The following RASSF3 variants were observed in gnomAD, a reference collection of about 807,000 sequenced individuals.
RASSF3 encodes the protein Ras association domain family member 3.
In RASSF3, 19 loss-of-function variants were observed where a neutral mutation model predicts 19.9. The observed-to-expected ratio is 0.96, with a 90% confidence interval of 0.67 to 1.40. The LOEUF is 1.40. Ranked by LOEUF, RASSF3 falls within the 40% of genes most tolerant of loss-of-function variation. The pLI is 0.00. For synonymous variants in RASSF3, 110 were observed against 104.2 expected (o/e 1.06, Z -0.34); for missense variants, 306 against 289.8 (o/e 1.06, Z -0.41).
chr12:64,543,452 GCCC>G (rs1555208314), downstream of RASSF3, among the ~76,000 whole-genome samples: 3 of 10,862 alleles, frequency 2.8e-4, no homozygotes, highest in African/African-American at 4.3e-4. Context: ...GTGCCCGCCC[GCCC>G]CCCGCTCCCC....
intron 2 of RASSF3, among the ~76,000 whole-genome samples, chr12:64,562,161 C>A (rs547758506): frequency 1.2e-4 from 18 of 152,266 alleles, no homozygotes; most frequent in Non-Finnish European, 2.1e-4. Flanking sequence ...CTGCCTCAGC[C>A]TCCTGGGTAG....
chr12:64,569,051 A>G (rs1869477388), intron 2 of RASSF3, among the ~76,000 whole-genome samples: 1 of 152,196 alleles, frequency 6.6e-6, no homozygotes, highest in African/African-American at 2.4e-5. Flanking sequence ...TGAAGTAGCC[A>G]GGTCAACTAG....
At chr12:64,686,449 A>G (rs1873355970) in intron 2 of RASSF3, among the ~76,000 whole-genome samples, 1 of 152,190 alleles carries the variant, frequency 6.6e-6, no homozygotes, top group Non-Finnish European at 1.5e-5. Context: ...TGTCTCTACT[A>G]AAAATACAAA....
At chr12:64,581,264 T>C (rs550168154) in intron 2 of RASSF3, among the ~76,000 whole-genome samples, 9 of 152,280 alleles carry the variant, frequency 5.9e-5, no homozygotes, top group African/African-American at 1.7e-4. Context: ...TCCCCAGGGT[T>C]TGGACAATTC....
At chr12:64,514,740 A>G (rs1868350605) in intron 1 of RASSF3, among the ~76,000 whole-genome samples, 1 of 152,192 alleles carries the variant, frequency 6.6e-6, no homozygotes, top group Non-Finnish European at 1.5e-5. Context: ...TTCAATTAGC[A>G]AAGTTTCTCA....
chr12:64,612,700 T>G (rs964075730), intron 1 of RASSF3, among the ~76,000 whole-genome samples: 4 of 152,126 alleles, frequency 2.6e-5, no homozygotes, highest in Admixed American at 6.6e-5. Flanking sequence ...GGTCTCGAAC[T>G]CCTGGCCTCA....
At chr12:64,551,945 C>T (rs146324626) in intron 2 of RASSF3, among the ~76,000 whole-genome samples, 268 of 152,276 alleles carry the variant, frequency 1.8e-3, no homozygotes, top group African/African-American at 6.3e-3. Flanking sequence ...GAGATGTGCA[C>T]AGCAACGTCC....
intron 1 of RASSF3, among the ~76,000 whole-genome samples, chr12:64,612,351 C>T (rs1255631488): frequency 6.6e-6 from 1 of 151,948 alleles, no homozygotes; most frequent in African/African-American, 2.4e-5. Flanking sequence ...CTGGCTGGTT[C>T]TTGGATTCTC....
chr12:64,688,621 GTCCAT>G (rs1204222354), intron 3 of RASSF3, among the ~76,000 whole-genome samples, 168 bp downstream of exon 3: 1 of 152,082 alleles, frequency 6.6e-6, no homozygotes, highest in Non-Finnish European at 1.5e-5. Flanking sequence ...CTTCCTGGCT[GTCCAT>G]ATTTTTGAGT....
chr12:64,688,184 C>T (rs757835704), intron 2 of RASSF3, 32 bp from the exon 3 acceptor site: 3 of 1,499,518 alleles, frequency 2.0e-6, no homozygotes, highest in Admixed American at 1.7e-5. Flanking sequence ...ACCATCCACC[C>T]AGCTAAGTGT....
At chr12:64,663,306 G>T (rs1225834173) in intron 1 of RASSF3, among the ~76,000 whole-genome samples, 1 of 152,052 alleles carries the variant, frequency 6.6e-6, no homozygotes, top group Admixed American at 6.6e-5. Flanking sequence ...TCAAAGCATG[G>T]TCAGATTCCT....
chr12:64,545,091 T>A (rs559817192), downstream of RASSF3, among the ~76,000 whole-genome samples: 1 of 152,300 alleles, frequency 6.6e-6, no homozygotes, highest in South Asian at 2.1e-4. Flanking sequence ...CTGGAGCCGA[T>A]TGGAGTTTGT....
At chr12:64,610,331 TC>T (rs897601737), upstream of RASSF3, among the ~76,000 whole-genome samples, 5 of 147,588 alleles carry the variant, frequency 3.4e-5, no homozygotes, top group Non-Finnish European at 6.0e-5. Flanking sequence ...CGGGCCGGGC[TC>T]CCCCCACCTG....
intron 2 of RASSF3, among the ~76,000 whole-genome samples, chr12:64,592,809 AT>A (rs1565845460): frequency 6.6e-6 from 1 of 151,488 alleles, no homozygotes; most frequent in Non-Finnish European, 1.5e-5. Flanking sequence ...GCTAATTTTT[AT>A]TTTATTTTAT....
rs115241246 is a variant in RASSF3, at chr12:64,559,197, C to T, written c.294+17492C>T. On this transcript the variant is annotated intron_variant, in intron 2 of 5. Coordinates refer to the RASSF3 transcript ENST00000637125. Reference sequence around the variant, plus strand: ...CTCAAGTCCTGAAGGCACTGGTGAACGGCGTGTCCTCTGGGTCCTGTGGGT... The same window carrying T: ...CTCAAGTCCTGAAGGCACTGGTGAATGGCGTGTCCTCTGGGTCCTGTGGGT... 9.0e-3 allele frequency among the ~76,000 whole-genome samples: 1,368 copies of T among 151,956 alleles called. 19 individuals carry two copies. The highest frequency in any genetic ancestry group is 0.031 in the African/African-American group (1,278 of 41,456).
intron 2 of RASSF3, among the ~76,000 whole-genome samples, chr12:64,557,588 T>A (rs1243654963): frequency 6.6e-6 from 1 of 151,856 alleles, no homozygotes; most frequent in Non-Finnish European, 1.5e-5. Context: ...AAGCACGGAG[T>A]CTCCCAGTGG....
At chr12:64,672,833 C>G (rs2136208349) in intron 1 of RASSF3, among the ~76,000 whole-genome samples, 1 of 152,300 alleles carries the variant, frequency 6.6e-6, no homozygotes, top group Non-Finnish European at 1.5e-5. Context: ...ACAGAAATGT[C>G]TAATTTTCTT....
chr12:64,675,045 G>GC (rs1226885486), intron 1 of RASSF3, among the ~76,000 whole-genome samples: 993 of 57,084 alleles, frequency 0.017, 27 homozygotes, highest in South Asian at 0.027. Flanking sequence ...TACCCACCTA[G>GC]CCCCCCCCCC....
At chr12:64,622,296 G>A (rs1870805299) in intron 1 of RASSF3, among the ~76,000 whole-genome samples, 3 of 149,982 alleles carry the variant, frequency 2.0e-5, no homozygotes, top group South Asian at 2.1e-4. Context: ...TCCTGAGCTC[G>A]TTATCCGCCT....
Sources: gnomAD v4.1 joint callset for allele counts (sites outside exome capture counted in the v4.1 genomes callset) on GRCh38, gnomAD v4.1.1 for gene constraint, MANE v1.5 for transcripts, NCBI Gene and HGNC (gene_info 2026-07-23, HGNC 2026-07-21) for gene names.